The following ZFAT variants were observed in gnomAD, a reference collection of about 807,000 sequenced individuals.
The protein encoded by ZFAT is zinc finger protein ZFAT.
A neutral mutation model predicts 117.7 loss-of-function variants in ZFAT; 64 were observed. That is an observed-to-expected ratio of 0.54 (90% CI 0.44 to 0.67). The LOEUF (loss-of-function observed/expected upper bound fraction) is 0.67. Among genes scored for constraint, ZFAT ranks in the 30% least tolerant of loss-of-function variants. The pLI is 0.00. For synonymous variants in ZFAT, 679 were observed against 615.0 expected (o/e 1.10, Z -1.54); for missense variants, 1,433 against 1,584.5 (o/e 0.90, Z 1.62).
intron 3 of ZFAT, among the ~76,000 whole-genome samples, chr8:134,611,417 G>A (rs865882511): frequency 6.6e-6 from 1 of 152,242 alleles, no homozygotes; most frequent in Non-Finnish European, 1.5e-5. Context: ...ATCCCGTGTG[G>A]TGACAACTCC....
the ZFAT span, among the ~76,000 whole-genome samples, chr8:134,779,181 G>GT: frequency 6.5e-3 from 991 of 152,280 alleles, 6 homozygotes; most frequent in Admixed American, 0.015. Context: ...AAAGTGTCTT[G>GT]TTTTTTTCCT....
chr8:134,519,598 T>C (rs1820500937), intron 13 of ZFAT, among the ~76,000 whole-genome samples: 1 of 152,222 alleles, frequency 6.6e-6, no homozygotes, highest in Non-Finnish European at 1.5e-5. Flanking sequence ...TCTTTTGGAT[T>C]TTCTGAAAAT....
At chr8:134,586,420 A>C (rs1475879440) in intron 9 of ZFAT, among the ~76,000 whole-genome samples, 1 of 152,248 alleles carries the variant, frequency 6.6e-6, no homozygotes, top group African/African-American at 2.4e-5. Context: ...ACAGATAAAC[A>C]AACTGAGTTT....
chr8:134,812,755 C>T, the ZFAT span, among the ~76,000 whole-genome samples: 1 of 152,086 alleles, frequency 6.6e-6, no homozygotes, highest in African/African-American at 2.4e-5. Context: ...GTCAATCAAT[C>T]GTATTATAGA....
intron 10 of ZFAT, among the ~76,000 whole-genome samples, chr8:134,566,420 T>G (rs1326309446): frequency 9.0e-6 from 1 of 111,224 alleles, no homozygotes. Flanking sequence ...AGATTAAGGT[T>G]TTAGCAATAT....
chr8:134,566,895 T>C (rs749738401), intron 10 of ZFAT, among the ~76,000 whole-genome samples: 1 of 152,172 alleles, frequency 6.6e-6, no homozygotes, highest in Non-Finnish European at 1.5e-5. Context: ...TCTCTGGGCC[T>C]CTCTATTCAT....
At chr8:134,791,008 TATA>T in the ZFAT span, among the ~76,000 whole-genome samples, 106 of 152,254 alleles carry the variant, frequency 7.0e-4, no homozygotes, top group African/African-American at 2.1e-3. Context: ...TCCAAAAATA[TATA>T]ATTTCTTCAA....
chr8:134,758,193 G>A, the ZFAT span, among the ~76,000 whole-genome samples: 1 of 152,288 alleles, frequency 6.6e-6, no homozygotes, highest in South Asian at 2.1e-4. Flanking sequence ...GAGGGGGATT[G>A]GCTCTTATTA....
At chr8:134,617,621 G>C (rs16905199) in intron 3 of ZFAT, among the ~76,000 whole-genome samples, 2 of 151,984 alleles carry the variant, frequency 1.3e-5, no homozygotes, top group Non-Finnish European at 2.9e-5. Context: ...CAGTTATCAC[G>C]CGACCATCTC....
chr8:134,573,168 G>A (rs1339639549), intron 10 of ZFAT, among the ~76,000 whole-genome samples: 1 of 152,160 alleles, frequency 6.6e-6, no homozygotes, highest in Non-Finnish European at 1.5e-5. Flanking sequence ...CTCCTAAGCT[G>A]CAGTTACACA....
chr8:134,506,366 A>C (rs891369515), intron 15 of ZFAT, among the ~76,000 whole-genome samples: 4 of 152,180 alleles, frequency 2.6e-5, no homozygotes, highest in African/African-American at 9.7e-5. Context: ...GCGTTGGGAG[A>C]TGCTCGGGCC....
the ZFAT span, among the ~76,000 whole-genome samples, chr8:134,790,829 A>G: frequency 1.3e-5 from 2 of 152,104 alleles, no homozygotes; most frequent in African/African-American, 2.4e-5. Context: ...AGCTCGGGCA[A>G]CACAGTGAGA....
chr8:134,798,779 G>A, the ZFAT span, among the ~76,000 whole-genome samples: 4 of 152,030 alleles, frequency 2.6e-5, no homozygotes, highest in Non-Finnish European at 4.4e-5. Context: ...TTAACCTACA[G>A]GCTATTTTGT....
At chr8:134,571,069 T>C (rs1824857723) in intron 10 of ZFAT, among the ~76,000 whole-genome samples, 3 of 152,234 alleles carry the variant, frequency 2.0e-5, no homozygotes, top group South Asian at 2.1e-4. Context: ...GAGGGGCTGC[T>C]GGGTGCCAGG....
At position 134,602,083 on chromosome 8, in the gene ZFAT, G is replaced by A. The variant is rs142331855; in HGVS notation, c.1636C>T (p.Arg546Trp). Reference protein sequence around the residue: ...CPGDTQLEEGRKEPEAPGEMP... With the variant: ...CPGDTQLEEGWKEPEAPGEMP... ...TCCCCAGGGGCCTCCGGCTCCTTCCGGCCCTCCTCCAGCTGAGTGTCCCCA... is the reference window on the plus strand; with the variant it reads ...TCCCCAGGGGCCTCCGGCTCCTTCCAGCCCTCCTCCAGCTGAGTGTCCCCA... The change falls in exon 6 of 16, where the codon CGG (arginine) becomes TGG (tryptophan). Residue 546 changes from arginine (R) to tryptophan (W), a missense_variant. Coordinates refer to ENST00000377838, the MANE Select transcript of ZFAT (RefSeq NM_020863.4). 0.013 allele frequency: 21,132 copies of A among 1,611,312 alleles called. 177 individuals carry two copies. The highest frequency in any genetic ancestry group is 0.016 in the Non-Finnish European group (18,918 of 1,179,134).
At chr8:134,787,871 T>C in the ZFAT span, among the ~76,000 whole-genome samples, 2 of 152,150 alleles carry the variant, frequency 1.3e-5, no homozygotes, top group Non-Finnish European at 2.9e-5. Context: ...AATGGTATCA[T>C]TTTATCAATT....
chr8:134,787,909 C>A, the ZFAT span, among the ~76,000 whole-genome samples: 1 of 151,936 alleles, frequency 6.6e-6, no homozygotes, highest in Non-Finnish European at 1.5e-5. Context: ...TATAGAAATA[C>A]AATTTCTGTA....
chr8:134,631,648 G>A (rs1044114588), intron 3 of ZFAT, among the ~76,000 whole-genome samples: 1 of 152,346 alleles, frequency 6.6e-6, no homozygotes, highest in South Asian at 2.1e-4. Context: ...GCTGCTAGGC[G>A]AGGGTGACAA....
chr8:134,612,064 G>A (rs1828375462), intron 3 of ZFAT, among the ~76,000 whole-genome samples: 1 of 152,206 alleles, frequency 6.6e-6, no homozygotes, highest in South Asian at 2.1e-4. Context: ...CCCTAAGTGA[G>A]GAGGAAATAT....
Sources: gnomAD v4.1 joint callset for allele counts (sites outside exome capture counted in the v4.1 genomes callset) on GRCh38, gnomAD v4.1.1 for gene constraint, MANE v1.5 for transcripts, NCBI Gene and HGNC (gene_info 2026-07-23, HGNC 2026-07-21) for gene names.